MFSD8: variants seen among roughly 807,000 people sequenced by gnomAD.
The protein encoded by MFSD8 is major facilitator superfamily domain containing 8.
A neutral mutation model predicts 66.4 loss-of-function variants in MFSD8; 55 were observed. The ratio of observed to expected loss-of-function variants is 0.83; its 90% CI spans 0.67 to 1.04. The LOEUF is 1.04. Among genes scored for constraint, MFSD8 ranks in the 50% least tolerant of loss-of-function variants. MFSD8 has a pLI of 0.00. For missense variants in MFSD8, 550 were observed against 627.6 expected, an observed-to-expected ratio of 0.88 and a Z score of 1.32; for synonymous variants, 202 against 212.8, an observed-to-expected ratio of 0.95 and a Z score of 0.44.
chr4:127,963,047 G>A (rs947281327), intron 1 of MFSD8, among the ~76,000 whole-genome samples: 6 of 152,078 alleles, frequency 3.9e-5, no homozygotes, highest in Non-Finnish European at 7.4e-5. Flanking sequence ...TTTTCCTAAA[G>A]GTAAAAATAC....
chr4:127,955,309 G>A (rs993724358), intron 2 of MFSD8, among the ~76,000 whole-genome samples: 1 of 152,140 alleles, frequency 6.6e-6, no homozygotes, highest in African/African-American at 2.4e-5. Flanking sequence ...TTGGGAGGCT[G>A]AGGCCGGTGG....
intron 7 of MFSD8, 175 bp from the exon 8 acceptor site, chr4:127,933,268 AG>A: frequency 1.9e-6 from 1 of 531,706 alleles, no homozygotes; most frequent in Non-Finnish European, 3.4e-6. Context: ...TTTTTGAGAC[AG>A]GGTCTCACTC....
In MFSD8 at chr4:127,918,746, C is replaced by T. The variant is rs747618421; in HGVS notation, c.*1884G>A. ...TGCCTCCATTCTTTCATCTGTAAAA[C>T]GGGAATCATAATAGTATTTTCACTC... On this transcript the variant is annotated 3_prime_UTR_variant, in exon 12 of 12. Transcript: ENST00000641686. The T allele has an allele frequency of 2.6e-5, 4 of 152,070 alleles. No individual in the cohort carries two copies. Among genetic ancestry groups the T allele is most frequent in the Non-Finnish European group, 4.4e-5 (3 of 68,016 alleles). The allele number at this position is 152,070 out of a possible 1,614,324, so 9.4% of individuals were successfully genotyped here.
In MFSD8 at chr4:127,921,505, G is replaced by A. The variant is rs1736328709; in HGVS notation, c.1350+19C>T. 1.2e-6 allele frequency: 2 copies of A among 1,614,072 alleles called. No homozygotes were observed. Among genetic ancestry groups the A allele is most frequent in the Non-Finnish European group, 1.7e-6 (2 of 1,180,036 alleles). The stretch of plus-strand genomic sequence containing the variant: ...CAAGTATATTTTCTATAATTGCAAT[G>A]TCAGGGTACCTGGCTTACCTGAGGT... On this transcript the variant is annotated intron_variant, in intron 11 of 11. Coordinates refer to ENST00000641686, the MANE Select transcript of MFSD8 (RefSeq NM_001371596.2).
At chr4:127,948,328 C>T (rs1307508746) in intron 3 of MFSD8, among the ~76,000 whole-genome samples, 2 of 152,136 alleles carry the variant, frequency 1.3e-5, no homozygotes, top group Non-Finnish European at 2.9e-5. Flanking sequence ...TAATTAGCAG[C>T]TTCCTGATAC....
chr4:127,943,923 C>T lies in MFSD8; in HGVS notation c.268G>A (p.Ala90Thr). Residue 90 changes from alanine (A) to threonine (T), a missense_variant, in exon 4 of 12, where the codon GCT becomes ACT. Ala to Thr is a moderately conservative substitution (Grantham distance 58). Transcript: ENST00000641686. Reference sequence around the variant, plus strand: ...GACCATAAACCAAATATAGGTGAAGCTACCATTTGGCCAAGACTATATGAA... The same window carrying T: ...GACCATAAACCAAATATAGGTGAAGTTACCATTTGGCCAAGACTATATGAA... ...IASYSLGQMV[A>T]SPIFGLWSNY... is the part of the protein sequence containing the mutation. The T allele has an allele frequency of 6.2e-7, 1 of 1,614,132 alleles. No homozygotes were observed. The highest frequency in any genetic ancestry group is 1.3e-5 in the African/African-American group (1 of 75,040).
chr4:127,924,953 C>T (rs925478161), intron 9 of MFSD8, among the ~76,000 whole-genome samples: 4 of 152,132 alleles, frequency 2.6e-5, no homozygotes, highest in African/African-American at 9.7e-5. Context: ...CTACAACCAT[C>T]TGATCTTTGA....
chr4:127,923,850 G>C (rs1320324410), intron 9 of MFSD8, among the ~76,000 whole-genome samples: 1 of 152,108 alleles, frequency 6.6e-6, no homozygotes, highest in African/African-American at 2.4e-5. Flanking sequence ...AAAGTGCTGA[G>C]ATTACAGGCG....
Position 127,943,973 on chromosome 4 carries a change from G to GT in MFSD8, c.217dup (p.Thr73AsnfsTer12), listed in dbSNP as rs796052752. The GT allele has an allele frequency of 6.2e-7, 1 of 1,614,170 alleles. No homozygotes were observed. ...AGCAATAACCCAGCCCAAAAAACTT[G>GT]TATCAGCTGTCGGATCAATCTGCAG... On this transcript the variant is annotated frameshift_variant, in exon 4 of 12. Coordinates refer to ENST00000641686, the MANE Select transcript of MFSD8 (RefSeq NM_001371596.2). LOFTEE classifies it high-confidence loss of function.
rs543453360 is a variant in MFSD8 at position 127,929,322 on chromosome 4, C to CAAAAAAAAAAA, written c.998+1350_998+1360dup. ...TGGGCAACAGAGCGAGACTCCGTCA[C>CAAAAAAAAAAA]AAAAAAAAAAAAAAAAAAAAAAAAA... On this transcript the variant is annotated intron_variant, in intron 9 of 11. Coordinates refer to ENST00000641686, the MANE Select transcript of MFSD8 (RefSeq NM_001371596.2). Among the ~76,000 whole-genome samples the CAAAAAAAAAAA allele has an allele frequency of 1.2e-3, 36 of 30,360 alleles. 6 individuals carry two copies. Among genetic ancestry groups the CAAAAAAAAAAA allele is most frequent in the African/African-American group, 6.5e-3 (35 of 5,402 alleles). 19.9% of individuals were successfully genotyped at this position (30,360 alleles called of 152,430 possible). A position where few individuals can be genotyped will look rare whatever the true frequency, so the allele number is the denominator to read the frequency against.
upstream of MFSD8, chr4:127,965,590 C>G (rs190141957): frequency 0.011 from 2,606 of 228,064 alleles, 27 homozygotes; most frequent in Non-Finnish European, 0.018. Flanking sequence ...CGATCGCAGG[C>G]TTCCACCTGG....
chr4:127,930,902 T>C, intron 8 of MFSD8, 85 bp from the exon 9 acceptor site: 1 of 1,313,352 alleles, frequency 7.6e-7, no homozygotes, highest in Non-Finnish European at 1.1e-6. Flanking sequence ...AATAACGACA[T>C]CTACACATTC....
intron 4 of MFSD8, 49 bp from the exon 5 acceptor site, chr4:127,942,207 CT>C: frequency 7.0e-7 from 1 of 1,429,494 alleles, no homozygotes; most frequent in Non-Finnish European, 9.9e-7. Flanking sequence ...TATCATTCAG[CT>C]TATAAAATTC....
At chr4:127,925,116 T>C (rs1331097438) in intron 9 of MFSD8, among the ~76,000 whole-genome samples, 4 of 152,150 alleles carry the variant, frequency 2.6e-5, no homozygotes, top group East Asian at 3.8e-4. Context: ...GACTTAAACA[T>C]AGGACCTAAA....
intron 7 of MFSD8, among the ~76,000 whole-genome samples, chr4:127,938,349 C>T (rs535133814): frequency 2.0e-5 from 3 of 151,856 alleles, no homozygotes; most frequent in South Asian, 2.1e-4. Flanking sequence ...TTTGGGAGGC[C>T]GAGGCGGGTG....
chr4:127,928,409 G>A (rs989173348), intron 9 of MFSD8, among the ~76,000 whole-genome samples: 1 of 152,126 alleles, frequency 6.6e-6, no homozygotes, highest in Non-Finnish European at 1.5e-5. Context: ...ATGAGCCACT[G>A]CACCAGGCCC....
At chr4:127,935,265 T>C (rs1738871867) in intron 7 of MFSD8, among the ~76,000 whole-genome samples, 1 of 152,344 alleles carries the variant, frequency 6.6e-6, no homozygotes, top group South Asian at 2.1e-4. Context: ...AGTCAGTCTT[T>C]ACTCCTTCAA....
intron 7 of MFSD8, among the ~76,000 whole-genome samples, chr4:127,935,190 C>T (rs1034225214): frequency 6.6e-6 from 1 of 152,148 alleles, no homozygotes; most frequent in African/African-American, 2.4e-5. Flanking sequence ...CAGGGGTAGG[C>T]CCTGATGGTT....
intron 8 of MFSD8, 120 bp from the exon 9 acceptor site, chr4:127,930,937 TGAC>T: frequency 4.0e-6 from 4 of 996,010 alleles, no homozygotes; most frequent in Non-Finnish European, 4.4e-6. Context: ...CTTTTAGCAA[TGAC>T]AACAGACCTA....
Sources: gnomAD v4.1 joint callset for allele counts (sites outside exome capture counted in the v4.1 genomes callset) on GRCh38, gnomAD v4.1.1 for gene constraint, MANE v1.5 for transcripts, NCBI Gene and HGNC (gene_info 2026-07-23, HGNC 2026-07-21) for gene names.